The following LEKR1 variants were observed in gnomAD, a reference collection of about 807,000 sequenced individuals.
LEKR1 encodes the protein leucine, glutamate and lysine rich 1.
Under a neutral mutation model 72.4 loss-of-function variants are expected in LEKR1, and 59 were observed. That is an observed-to-expected ratio of 0.82 (90% CI 0.66 to 1.01). LEKR1 has a LOEUF of 1.01. LEKR1 is among the 50% of genes least tolerant of loss of function. The probability of loss-of-function intolerance (pLI) is 0.00; values close to 1 mark genes in which losing one functional copy is unlikely to be tolerated. For missense variants in LEKR1, 728 were observed against 759.2 expected (o/e 0.96, Z 0.48); for synonymous variants, 257 against 263.2 (o/e 0.98, Z 0.23).
At chr3:157,006,430 G>C (rs911654419) in intron 9 of LEKR1, among the ~76,000 whole-genome samples, 1 of 152,166 alleles carries the variant, frequency 6.6e-6, no homozygotes, top group African/African-American at 2.4e-5. Flanking sequence ...CAACTTATTA[G>C]AAAAACAGTT....
intron 9 of LEKR1, among the ~76,000 whole-genome samples, chr3:156,995,126 T>A (rs1164200195): frequency 6.6e-6 from 1 of 152,114 alleles, no homozygotes; most frequent in Non-Finnish European, 1.5e-5. Flanking sequence ...ATAAAGTAAA[T>A]TTTTCCCCTT....
chr3:156,970,133 GA>G (rs1302824924), intron 6 of LEKR1, among the ~76,000 whole-genome samples: 3 of 152,112 alleles, frequency 2.0e-5, no homozygotes, highest in African/African-American at 4.8e-5. Flanking sequence ...AAAATAATAA[GA>G]GCTATCTATG....
At chr3:156,931,990 TAAAA>T (rs1560090281) in intron 5 of LEKR1, among the ~76,000 whole-genome samples, 1 of 152,096 alleles carries the variant, frequency 6.6e-6, no homozygotes, top group Non-Finnish European at 1.5e-5. Context: ...TACTCAAAAA[TAAAA>T]AGAAATATAT....
intron 3 of LEKR1, among the ~76,000 whole-genome samples, chr3:156,919,900 A>T (rs1724032143): frequency 6.6e-6 from 1 of 152,246 alleles, no homozygotes; most frequent in Admixed American, 6.5e-5. Flanking sequence ...GTTTTCATTC[A>T]TTCATTATAC....
intron 12 of LEKR1, among the ~76,000 whole-genome samples, chr3:157,044,327 T>C (rs908584002): frequency 6.6e-6 from 1 of 152,242 alleles, no homozygotes; most frequent in Non-Finnish European, 1.5e-5. Context: ...ACTGGGGAGA[T>C]CCAAGACTTA....
At chr3:156,956,885 C>G (rs1316931969) in intron 6 of LEKR1, among the ~76,000 whole-genome samples, 3 of 151,934 alleles carry the variant, frequency 2.0e-5, no homozygotes, top group African/African-American at 7.2e-5. Flanking sequence ...AAACCATTAA[C>G]ACAGGAAAAA....
chr3:156,996,933 C>T (rs1244864888), intron 9 of LEKR1, among the ~76,000 whole-genome samples: 12 of 151,886 alleles, frequency 7.9e-5, no homozygotes, highest in Admixed American at 4.6e-4. Flanking sequence ...AGTGTGGTGG[C>T]GGGTGCCTGT....
At chr3:156,932,913 C>T (rs1031584111) in intron 5 of LEKR1, among the ~76,000 whole-genome samples, 1 of 151,814 alleles carries the variant, frequency 6.6e-6, no homozygotes, top group Non-Finnish European at 1.5e-5. Context: ...ACCTGTAGTC[C>T]CAGCAGCTTG....
At chr3:156,894,327 A>T (rs1720966269) in intron 3 of LEKR1, among the ~76,000 whole-genome samples, 1 of 152,236 alleles carries the variant, frequency 6.6e-6, no homozygotes, top group African/African-American at 2.4e-5. Flanking sequence ...TAAAATTAAT[A>T]CTAAAAAATA....
At chr3:156,852,011 T>C (rs2108537606) in intron 2 of LEKR1, among the ~76,000 whole-genome samples, 1 of 152,292 alleles carries the variant, frequency 6.6e-6, no homozygotes, top group East Asian at 1.9e-4. Flanking sequence ...ACACTTTATC[T>C]GAAGGAAGGA....
intron 1 of LEKR1, among the ~76,000 whole-genome samples, chr3:156,828,425 A>G (rs559371355): frequency 2.2e-4 from 33 of 152,072 alleles, no homozygotes; most frequent in African/African-American, 7.7e-4. Flanking sequence ...CATCTGAAAC[A>G]TAAGATCTTT....
chr3:156,897,985 A>G (rs1015714912), intron 3 of LEKR1, among the ~76,000 whole-genome samples: 5 of 151,858 alleles, frequency 3.3e-5, no homozygotes, highest in Admixed American at 6.6e-5. Context: ...TGTGGAGACC[A>G]GGGTTCCTTT....
At chr3:156,901,210 G>A (rs963243907) in intron 3 of LEKR1, among the ~76,000 whole-genome samples, 1 of 151,818 alleles carries the variant, frequency 6.6e-6, no homozygotes, top group African/African-American at 2.4e-5. Context: ...TGCAGACAAC[G>A]TCATTCCTTT....
At chr3:157,003,387 A>G (rs532949249) in intron 9 of LEKR1, among the ~76,000 whole-genome samples, 1 of 152,322 alleles carries the variant, frequency 6.6e-6, no homozygotes, top group South Asian at 2.1e-4. Context: ...AAATGACCAC[A>G]AATTTAGTGG....
rs575194699 is a variant in LEKR1 at position 156,984,374 on chromosome 3, A to T, written c.827+5099A>T. On this transcript the variant is annotated intron_variant, in intron 7 of 12. Coordinates refer to ENST00000356539, the MANE Select transcript of LEKR1 (RefSeq NM_001004316.3). ...CTGTCACTAAGAATATGTCTAAGTG[A>T]TTATGTAAAATATGTTTTCTGGCCG... is the stretch of plus-strand genomic sequence containing the variant. Among the ~76,000 whole-genome samples, 17 of 152,326 alleles carry T rather than the reference A, an allele frequency of 1.1e-4. No individual in the cohort carries two copies. In the South Asian group the frequency reaches 3.5e-3, roughly 32 times the overall value.
intron 7 of LEKR1, among the ~76,000 whole-genome samples, chr3:156,991,661 T>C (rs1207662770): frequency 6.6e-6 from 1 of 152,190 alleles, no homozygotes; most frequent in African/African-American, 2.4e-5. Context: ...TTTTAGATCT[T>C]TCATTTGGTT....
chr3:156,861,798 G>C lies in LEKR1; in HGVS notation c.263+8816G>C, dbSNP rs182591864. On this transcript the variant is annotated intron_variant, in intron 3 of 12. Transcript: ENST00000356539. Reference sequence around the variant, plus strand: ...TTGTGCTATGCATTACTTGAACTTTGAGGAACCTAAACAAGCTTATTTATA... The same window carrying C: ...TTGTGCTATGCATTACTTGAACTTTCAGGAACCTAAACAAGCTTATTTATA... Among the ~76,000 whole-genome samples the C allele has an allele frequency of 3.1e-3, 468 of 152,140 alleles. 2 individuals carry two copies. The highest frequency in any genetic ancestry group is 7.1e-3 in the Admixed American group (109 of 15,248).
At chr3:156,920,186 C>A (rs1038863602) in intron 3 of LEKR1, among the ~76,000 whole-genome samples, 7 of 152,082 alleles carry the variant, frequency 4.6e-5, no homozygotes, top group African/African-American at 1.4e-4. Flanking sequence ...TCTTTTACAG[C>A]AACACAAAAT....
At chr3:156,855,456 T>C (rs1715947216) in intron 3 of LEKR1, among the ~76,000 whole-genome samples, 1 of 152,218 alleles carries the variant, frequency 6.6e-6, no homozygotes, top group Non-Finnish European at 1.5e-5. Context: ...ATATTGACCA[T>C]GTTATTGGGT....
Sources: gnomAD v4.1 joint callset for allele counts (sites outside exome capture counted in the v4.1 genomes callset) on GRCh38, gnomAD v4.1.1 for gene constraint, MANE v1.5 for transcripts, NCBI Gene and HGNC (gene_info 2026-07-23, HGNC 2026-07-21) for gene names.